SEMA3C: variants seen among roughly 807,000 people sequenced by gnomAD.
SEMA3C encodes semaphorin-3C.
A neutral mutation model predicts 89.4 loss-of-function variants in SEMA3C; 47 were observed. The ratio of observed to expected loss-of-function variants is 0.53; its 90% CI spans 0.42 to 0.67. SEMA3C has a LOEUF of 0.67. SEMA3C is among the 30% of genes least tolerant of loss of function. The pLI, the probability that SEMA3C is intolerant of heterozygous loss-of-function variation, is 0.00. For synonymous variants in SEMA3C, 310 were observed against 320.2 expected (o/e 0.97, Z 0.34); for missense variants, 839 against 929.1 (o/e 0.90, Z 1.26).
intron 11 of SEMA3C, among the ~76,000 whole-genome samples, chr7:80,797,800 C>G (rs184489098): frequency 6.6e-6 from 1 of 152,120 alleles, no homozygotes; most frequent in Non-Finnish European, 1.5e-5. Flanking sequence ...GAGTTCGAGA[C>G]CAGCCTGACC....
intron 2 of SEMA3C, among the ~76,000 whole-genome samples, chr7:80,856,322 C>T (rs1043704068): frequency 4.6e-5 from 7 of 151,760 alleles, no homozygotes; most frequent in Non-Finnish European, 8.8e-5. Flanking sequence ...AGGCAAACCA[C>T]GTCCACTTCT....
At chr7:80,900,045 T>C (rs553772695) in intron 2 of SEMA3C, among the ~76,000 whole-genome samples, 15 of 152,308 alleles carry the variant, frequency 9.8e-5, no homozygotes, top group African/African-American at 3.6e-4. Flanking sequence ...ACTCATATAG[T>C]GTACATTATA....
chr7:80,771,617 A>C (rs1788436249), intron 12 of SEMA3C, among the ~76,000 whole-genome samples: 1 of 152,186 alleles, frequency 6.6e-6, no homozygotes, highest in African/African-American at 2.4e-5. Flanking sequence ...GATCAAACAC[A>C]GCTCACTACT....
intron 15 of SEMA3C, 96 bp downstream of exon 15, chr7:80,758,235 A>C: frequency 7.5e-7 from 1 of 1,341,382 alleles, no homozygotes; most frequent in Non-Finnish European, 1.0e-6. Flanking sequence ...ATGTCATTTA[A>C]GGAAACAGCA....
chr7:80,824,035 A>C (rs770296363), intron 4 of SEMA3C, among the ~76,000 whole-genome samples: 2 of 152,166 alleles, frequency 1.3e-5, no homozygotes, highest in Non-Finnish European at 2.9e-5. Context: ...CTGTATTACT[A>C]CCTAAGACCA....
At chr7:80,854,781 G>A (rs1008422121) in intron 2 of SEMA3C, among the ~76,000 whole-genome samples, 1 of 152,130 alleles carries the variant, frequency 6.6e-6, no homozygotes, top group Non-Finnish European at 1.5e-5. Context: ...TTGCCTGAAA[G>A]ACCAAGAACA....
At chr7:80,922,357 T>C, upstream of SEMA3C, 3 of 1,192,448 alleles carry the variant, frequency 2.5e-6, no homozygotes, top group South Asian at 2.6e-5. Flanking sequence ...TTTCCTGAAC[T>C]GTATCTTTGG....
chr7:80,922,273 C>G, upstream of SEMA3C: 1 of 1,288,384 alleles, frequency 7.8e-7, no homozygotes, highest in Non-Finnish European at 1.0e-6. Flanking sequence ...ACCTTTTTTG[C>G]TTAACATTTT....
intron 2 of SEMA3C, among the ~76,000 whole-genome samples, chr7:80,911,255 T>C (rs1049567825): frequency 1.3e-5 from 2 of 152,218 alleles, no homozygotes; most frequent in Non-Finnish European, 2.9e-5. Flanking sequence ...GTGATCTTTG[T>C]GGATCTTAAA....
At chr7:80,802,264 T>A (rs934870741) in intron 9 of SEMA3C, among the ~76,000 whole-genome samples, 2 of 152,056 alleles carry the variant, frequency 1.3e-5, no homozygotes, top group Non-Finnish European at 2.9e-5. Flanking sequence ...CCAAACTCTA[T>A]CCTGTCCATT....
At chr7:80,789,747 T>C (rs1222217843) in intron 11 of SEMA3C, among the ~76,000 whole-genome samples, 1 of 152,176 alleles carries the variant, frequency 6.6e-6, no homozygotes, top group African/African-American at 2.4e-5. Context: ...TCATTGTATG[T>C]TATTCTGTTT....
chr7:80,911,428 C>T (rs1792145787), intron 2 of SEMA3C, among the ~76,000 whole-genome samples: 1 of 152,078 alleles, frequency 6.6e-6, no homozygotes. Context: ...TCTTCTGAAT[C>T]AAAATTGCAA....
chr7:80,884,278 C>A (rs1791420332), intron 2 of SEMA3C, among the ~76,000 whole-genome samples: 1 of 152,054 alleles, frequency 6.6e-6, no homozygotes. Flanking sequence ...TAGGTAATCT[C>A]AAAATTGAGA....
intron 2 of SEMA3C, among the ~76,000 whole-genome samples, chr7:80,903,799 T>C (rs944654876): frequency 7.2e-5 from 11 of 152,168 alleles, no homozygotes; most frequent in African/African-American, 2.7e-4. Flanking sequence ...AAAAAAATGA[T>C]ATACAAGGAA....
At chr7:80,751,202 C>T (rs1787927230) in intron 16 of SEMA3C, 67 bp downstream of exon 16, 7 of 1,265,836 alleles carry the variant, frequency 5.5e-6, no homozygotes, top group Non-Finnish European at 8.0e-6. Flanking sequence ...AATGTTTCCC[C>T]TTACTGAAAT....
chr7:80,858,333 G>A (rs1429916542), intron 2 of SEMA3C, among the ~76,000 whole-genome samples: 1 of 152,140 alleles, frequency 6.6e-6, no homozygotes, highest in Non-Finnish European at 1.5e-5. Context: ...CATCATGACA[G>A]ACCAAATATG....
chr7:80,829,510 G>A (rs1789961088), intron 2 of SEMA3C, among the ~76,000 whole-genome samples: 2 of 152,150 alleles, frequency 1.3e-5, no homozygotes. Flanking sequence ...GCTTCCCAAC[G>A]TAATTCTAAT....
intron 11 of SEMA3C, among the ~76,000 whole-genome samples, chr7:80,795,749 C>T (rs867764310): frequency 3.9e-5 from 6 of 152,072 alleles, no homozygotes; most frequent in African/African-American, 1.2e-4. Flanking sequence ...TAAGTTGTCA[C>T]GTGGGTGAAG....
chr7:80,919,023 C>T lies in SEMA3C; in HGVS notation c.-234G>A. ...GTGCCGCGGCACCCGGAGCTCTTCT[C>T]CGCGTCGCTCAATCAAGCACCTCGG... On this transcript the variant is annotated 5_prime_UTR_variant, in exon 1 of 18. Transcript: ENST00000265361. 12 of 985,376 alleles carry T rather than the reference C, an allele frequency of 1.2e-5. No homozygotes were observed. The highest frequency in any genetic ancestry group is 1.4e-5 in the Non-Finnish European group (12 of 829,902). 61.0% of individuals were successfully genotyped at this position (985,376 alleles called of 1,614,324 possible).
Sources: gnomAD v4.1 joint callset for allele counts (sites outside exome capture counted in the v4.1 genomes callset) on GRCh38, gnomAD v4.1.1 for gene constraint, MANE v1.5 for transcripts, NCBI Gene and HGNC (gene_info 2026-07-23, HGNC 2026-07-21) for gene names.